NRCAM: variants seen among roughly 807,000 people sequenced by gnomAD.
NRCAM encodes NgCAM-related cell adhesion molecule.
NRCAM carries 83 observed loss-of-function variants against 156.5 expected under a neutral mutation model. The ratio of observed to expected loss-of-function variants is 0.53; its 90% CI spans 0.44 to 0.64. The LOEUF (loss-of-function observed/expected upper bound fraction) is 0.64. Ranked by LOEUF, NRCAM falls within the 30% of genes least tolerant of loss-of-function variation. The pLI, the probability that NRCAM is intolerant of heterozygous loss-of-function variation, is 0.00. For synonymous variants in NRCAM, 538 were observed against 563.9 expected, an observed-to-expected ratio of 0.95 and a Z score of 0.65; for missense variants, 1,417 against 1,597.3, an observed-to-expected ratio of 0.89 and a Z score of 1.92.
intron 3 of NRCAM, among the ~76,000 whole-genome samples, chr7:108,276,855 C>T (rs1010386486): frequency 2.0e-5 from 3 of 151,600 alleles, no homozygotes; most frequent in African/African-American, 7.3e-5. Context: ...ATTTGTCATG[C>T]TTTTGCAGTG....
chr7:108,279,387 T>G (rs1172218611), intron 3 of NRCAM, among the ~76,000 whole-genome samples: 1 of 152,202 alleles, frequency 6.6e-6, no homozygotes, highest in Non-Finnish European at 1.5e-5. Context: ...CTTTAAACAC[T>G]GATATTCTCA....
intron 26 of NRCAM, among the ~76,000 whole-genome samples, chr7:108,177,223 A>C (rs1462157222): frequency 6.6e-6 from 1 of 152,174 alleles, no homozygotes; most frequent in Non-Finnish European, 1.5e-5. Context: ...ACATGTTCTC[A>C]CTCATAGGTG....
intron 5 of NRCAM, among the ~76,000 whole-genome samples, chr7:108,237,263 T>A (rs899785072): frequency 5.3e-5 from 8 of 152,288 alleles, no homozygotes; most frequent in Non-Finnish European, 1.2e-4. Flanking sequence ...TCAAATTCGC[T>A]GGGTTAGTCT....
At chr7:108,205,554 C>A (rs566348492) in intron 13 of NRCAM, among the ~76,000 whole-genome samples, 2 of 152,274 alleles carry the variant, frequency 1.3e-5, no homozygotes, top group African/African-American at 4.8e-5. Flanking sequence ...CCCCATTTTC[C>A]CTGCTGAAGG....
intron 28 of NRCAM, among the ~76,000 whole-genome samples, chr7:108,174,687 T>C (rs1315865133): frequency 6.6e-6 from 1 of 152,234 alleles, no homozygotes; most frequent in African/African-American, 2.4e-5. Flanking sequence ...TGTTGGCTAT[T>C]ACTCAGGAGG....
intron 2 of NRCAM, among the ~76,000 whole-genome samples, chr7:108,331,281 G>GTT (rs1243753066): frequency 2.6e-5 from 4 of 151,852 alleles, no homozygotes; most frequent in Admixed American, 6.6e-5. Context: ...ACCTGTAATA[G>GTT]TCCCAGTTAC....
intron 2 of NRCAM, among the ~76,000 whole-genome samples, chr7:108,350,882 C>A (rs1302551966): frequency 6.6e-6 from 1 of 152,044 alleles, no homozygotes; most frequent in East Asian, 1.9e-4. Flanking sequence ...AATTTGGGTA[C>A]TTGTTGATTG....
intron 2 of NRCAM, among the ~76,000 whole-genome samples, chr7:108,372,776 C>T (rs2099637166): frequency 6.6e-6 from 1 of 152,096 alleles, no homozygotes; most frequent in Non-Finnish European, 1.5e-5. Flanking sequence ...GAAGTCACTA[C>T]AAAAACAGTA....
At chr7:108,189,407 A>C (rs1365877865) in intron 20 of NRCAM, among the ~76,000 whole-genome samples, 3 of 152,226 alleles carry the variant, frequency 2.0e-5, no homozygotes, top group Admixed American at 2.0e-4. Flanking sequence ...CACAAATGAC[A>C]GTGTATTTGA....
intron 2 of NRCAM, among the ~76,000 whole-genome samples, chr7:108,314,821 A>G (rs570926085): frequency 6.6e-6 from 1 of 152,346 alleles, no homozygotes; most frequent in East Asian, 1.9e-4. Flanking sequence ...AAGCAGTATT[A>G]GGTAAAAAGT....
At chr7:108,293,880 G>A (rs999805838) in intron 3 of NRCAM, among the ~76,000 whole-genome samples, 1 of 152,008 alleles carries the variant, frequency 6.6e-6, no homozygotes, top group African/African-American at 2.4e-5. Context: ...TTTAAACTCA[G>A]GGCTCTTTCC....
At chr7:108,151,760 G>A (rs1225001707) in intron 32 of NRCAM, among the ~76,000 whole-genome samples, 1 of 152,014 alleles carries the variant, frequency 6.6e-6, no homozygotes, top group Non-Finnish European at 1.5e-5. Flanking sequence ...ACATCTCTGG[G>A]GTTTAATTAT....
intron 3 of NRCAM, among the ~76,000 whole-genome samples, chr7:108,283,537 G>A (rs549908832): frequency 2.0e-5 from 3 of 152,288 alleles, no homozygotes; most frequent in African/African-American, 7.2e-5. Flanking sequence ...GAAACAGAAT[G>A]GTTCAATTCG....
chr7:108,227,218 A>G (rs1316167345), intron 8 of NRCAM, among the ~76,000 whole-genome samples: 3 of 152,202 alleles, frequency 2.0e-5, no homozygotes, highest in Non-Finnish European at 4.4e-5. Context: ...TAAGTGAGTA[A>G]CCATCAGCAC....
intron 3 of NRCAM, among the ~76,000 whole-genome samples, chr7:108,301,566 G>C (rs1272507818): frequency 2.0e-5 from 3 of 152,002 alleles, no homozygotes; most frequent in African/African-American, 7.2e-5. Flanking sequence ...TCATGTTTCT[G>C]GGAAAAATTT....
intron 27 of NRCAM, among the ~76,000 whole-genome samples, chr7:108,176,065 A>G (rs564070787): frequency 6.6e-6 from 1 of 152,210 alleles, no homozygotes; most frequent in Admixed American, 6.5e-5. Context: ...CTGTGTATGC[A>G]TATGTGTGTA....
intron 3 of NRCAM, among the ~76,000 whole-genome samples, chr7:108,286,854 T>C (rs1486559269): frequency 1.3e-5 from 2 of 152,188 alleles, no homozygotes; most frequent in Non-Finnish European, 2.9e-5. Flanking sequence ...ACATCTTACA[T>C]AGTGAGGTTC....
intron 3 of NRCAM, among the ~76,000 whole-genome samples, chr7:108,281,293 CTTTTA>C (rs1354031725): frequency 2.6e-5 from 4 of 151,998 alleles, no homozygotes; most frequent in Non-Finnish European, 5.9e-5. Context: ...AATGCCTTTA[CTTTTA>C]TTTTAATATA....
chr7:108,452,736 T>C (rs528017910), intron 1 of NRCAM, among the ~76,000 whole-genome samples: 1 of 152,242 alleles, frequency 6.6e-6, no homozygotes, highest in Non-Finnish European at 1.5e-5. Flanking sequence ...TCCTAAAGAA[T>C]ATGTTAGAAG....
Sources: gnomAD v4.1 joint callset for allele counts (sites outside exome capture counted in the v4.1 genomes callset) on GRCh38, gnomAD v4.1.1 for gene constraint, MANE v1.5 for transcripts, NCBI Gene and HGNC (gene_info 2026-07-23, HGNC 2026-07-21) for gene names.